The following POLR1C variants were observed in gnomAD, a reference collection of about 807,000 sequenced individuals.
POLR1C encodes the protein RNA polymerase I and III subunit C, also known as DNA-directed RNA polymerases I and III subunit RPAC1.
Under a neutral mutation model 38.3 loss-of-function variants are expected in POLR1C, and 42 were observed. The ratio of observed to expected loss-of-function variants is 1.10; its 90% CI spans 0.86 to 1.42. The LOEUF is 1.42. POLR1C is among the 40% of genes most tolerant of loss of function. The pLI, the probability that POLR1C is intolerant of heterozygous loss-of-function variation, is 0.00. For synonymous variants in POLR1C, 163 were observed against 163.9 expected (o/e 0.99, Z 0.04); for missense variants, 507 against 450.5 (o/e 1.13, Z -1.14).
intron 8 of POLR1C, chr6:43,527,154 C>T (rs1393658074): frequency 1.8e-5 from 4 of 218,248 alleles, no homozygotes; most frequent in Non-Finnish European, 9.4e-6. Flanking sequence ...ATCCAAATTC[C>T]TTCTGCTATT....
At chr6:43,551,284 G>C (rs751821027) in intron 10 of POLR1C, 2 of 1,563,348 alleles carry the variant, frequency 1.3e-6, no homozygotes, top group South Asian at 2.4e-5. Flanking sequence ...TTACAAAGGA[G>C]ATGGGCTTTA....
chr6:43,550,075 C>A, intron 9 of POLR1C: 1 of 823,480 alleles, frequency 1.2e-6, no homozygotes, highest in East Asian at 2.7e-5. Context: ...GGACTACGGG[C>A]ATGAGCTTAT....
chr6:43,534,554 G>A (rs1219735766), downstream of POLR1C, among the ~76,000 whole-genome samples: 1 of 152,178 alleles, frequency 6.6e-6, no homozygotes, highest in African/African-American at 2.4e-5. Flanking sequence ...CAAGGACTGT[G>A]AACTTGATAT....
At chr6:43,520,880 C>T (rs929224613) in intron 7 of POLR1C, 52 bp from the exon 8 acceptor site, 2 of 1,602,902 alleles carry the variant, frequency 1.2e-6, no homozygotes, top group African/African-American at 1.3e-5. Flanking sequence ...TGGTTTGCTA[C>T]CAAGTGGCAA....
intron 9 of POLR1C, among the ~76,000 whole-genome samples, chr6:43,536,967 T>C (rs563215496): frequency 2.6e-5 from 4 of 151,226 alleles, no homozygotes; most frequent in Non-Finnish European, 5.9e-5. Flanking sequence ...ATTTTTGTTT[T>C]GTTTTTTGTT....
rs1161051971 is a variant in POLR1C at position 43,520,938 on chromosome 6, A to C, written c.812A>C (p.Lys271Thr). 6.2e-7 allele frequency: 1 copy of C among 1,613,810 alleles called. No individual in the cohort carries two copies. Among genetic ancestry groups the C allele is most frequent in the Non-Finnish European group, 8.5e-7 (1 of 1,179,768 alleles). The change falls in exon 8 of 9, where the codon AAG becomes ACG. Residue 271 changes from lysine to threonine, a missense_variant. Transcript: ENST00000642195. ...VIEVQEVQGK[K>T]VARVANPRLD... ...CATGGTTTGTTCTCATTAGGTAAAA[A>C]GGTGGCCAGAGTTGCCAACCCCCGG...
downstream of POLR1C, chr6:43,523,974 A>G (rs1793367373): frequency 1.9e-6 from 3 of 1,613,800 alleles, no homozygotes; most frequent in African/African-American, 1.3e-5. Context: ...CTTAATGTGA[A>G]CTTCTTTTCG....
intron 9 of POLR1C, chr6:43,539,593 AC>A: frequency 7.2e-7 from 1 of 1,381,872 alleles, no homozygotes. Context: ...CACGGCTGCG[AC>A]CCCGGCCCCG....
At position 43,551,596 on chromosome 6, in the gene POLR1C, C is replaced by T; in HGVS notation, c.*48+585C>T. 4.0e-6 allele frequency: 4 copies of T among 991,820 alleles called. No homozygotes were observed. The South Asian group carries it at 6.5e-5, about 16-fold the overall frequency. The allele number at this position is 991,820 out of a possible 1,614,324, so 61.4% of individuals were successfully genotyped here. Reference sequence around the variant, plus strand: ...GGAGTGCACAGTGGCACAATCATCACTCACTGTAACCTCAAACTCTTGAGC... The same window carrying T: ...GGAGTGCACAGTGGCACAATCATCATTCACTGTAACCTCAAACTCTTGAGC... On this transcript the variant is annotated intron_variant, in intron 10 of 10. Transcript: ENST00000607635.
intron 9 of POLR1C, chr6:43,546,828 A>G: frequency 7.2e-7 from 1 of 1,394,044 alleles, no homozygotes; most frequent in Non-Finnish European, 9.6e-7. Context: ...AGATATATTC[A>G]AGGTTCTGGC....
chr6:43,527,883 G>A (rs1233900156), intron 8 of POLR1C, among the ~76,000 whole-genome samples: 1 of 152,220 alleles, frequency 6.6e-6, no homozygotes, highest in Admixed American at 6.5e-5. Context: ...GTGATCCACT[G>A]AAGGACATTA....
rs1475388479 is a variant in POLR1C, at chr6:43,536,787, A to AG, written c.*4+7428_*4+7429insG. ...AAAAAAAAAAAAAAAAAAAAAAAAA[A>AG]AAAGCAGCTTTACTTTTTGGGTTTT... On this transcript the variant is annotated intron_variant, in intron 9 of 10. Coordinates refer to the POLR1C transcript ENST00000607635. 4.0e-3 allele frequency among the ~76,000 whole-genome samples: 595 copies of AG among 148,546 alleles called. 15 individuals carry two copies. Among genetic ancestry groups the AG allele is most frequent in the African/African-American group, 0.014 (547 of 39,098 alleles).
chr6:43,519,988 G>GCAC, intron 4 of POLR1C, 78 bp from the exon 5 acceptor site: 1 of 1,580,370 alleles, frequency 6.3e-7, no homozygotes, highest in Non-Finnish European at 8.6e-7. Context: ...TAATTAAATG[G>GCAC]GAAACACGTA....
At chr6:43,539,132 A>T (rs1033434466) in intron 9 of POLR1C, 2 of 1,191,674 alleles carry the variant, frequency 1.7e-6, no homozygotes, top group Admixed American at 3.8e-5. Flanking sequence ...GCGCACCAGC[A>T]CAGAGCCACG....
At chr6:43,519,610 G>T in intron 3 of POLR1C, 96 bp from the exon 4 acceptor site, 3 of 1,536,902 alleles carry the variant, frequency 2.0e-6, no homozygotes, top group Non-Finnish European at 2.7e-6. Flanking sequence ...ATTCTAGGAA[G>T]AGAGATAGCT....
At chr6:43,546,845 G>A (rs1024176030) in intron 9 of POLR1C, 18 of 1,214,176 alleles carry the variant, frequency 1.5e-5, no homozygotes, top group Non-Finnish European at 2.0e-5. Flanking sequence ...TGGCAAAAGT[G>A]ACACAGAGGC....
chr6:43,535,584 G>A (rs1466138580), intron 9 of POLR1C, among the ~76,000 whole-genome samples: 1 of 152,124 alleles, frequency 6.6e-6, no homozygotes, highest in Non-Finnish European at 1.5e-5. Context: ...GCCGGGCGCG[G>A]TGGATCACGA....
Position 43,556,542 on chromosome 6 carries a change from A to T in POLR1C, c.*49-4858A>T, listed in dbSNP as rs561099066. Among the ~76,000 whole-genome samples, 348 of 150,136 alleles carry T rather than the reference A, an allele frequency of 2.3e-3. 2 individuals are homozygous for T. Among genetic ancestry groups the T allele is most frequent in the African/African-American group, 6.8e-3 (272 of 39,948 alleles). On this transcript the variant is annotated intron_variant, in intron 10 of 10. Coordinates refer to the POLR1C transcript ENST00000607635. ...ATGTCTCAAAAAAAAAAAAAAAAAA[A>T]TTTTTAAAAAGTAAATCAGGTTGGT...
downstream of POLR1C, chr6:43,523,023 C>T (rs1793293278): frequency 6.1e-6 from 1 of 164,030 alleles, no homozygotes; most frequent in Non-Finnish European, 1.3e-5. Flanking sequence ...TTGCTAGCTG[C>T]TCATCACAGA....
Sources: allele counts gnomAD v4.1 joint callset (sites outside exome capture counted in the v4.1 genomes callset), GRCh38; gene constraint gnomAD v4.1.1; transcripts MANE v1.5; gene names NCBI Gene and HGNC (gene_info 2026-07-23, HGNC 2026-07-21).